The following ARMC2 variants were observed in gnomAD, a reference collection of about 807,000 sequenced individuals.
ARMC2 encodes the protein armadillo repeat-containing protein 2.
ARMC2 carries 67 observed loss-of-function variants against 90.3 expected under a neutral mutation model. The ratio of observed to expected loss-of-function variants is 0.74; its 90% CI spans 0.61 to 0.91. ARMC2 has a LOEUF of 0.91. Among genes scored for constraint, ARMC2 ranks in the 40% least tolerant of loss-of-function variants. The probability of loss-of-function intolerance (pLI) is 0.00; values close to 1 mark genes in which losing one functional copy is unlikely to be tolerated. For synonymous variants in ARMC2, 393 were observed against 393.0 expected (o/e 1.00, Z 0.00); for missense variants, 920 against 1,030.9 (o/e 0.89, Z 1.47).
At chr6:108,963,872 T>C (rs911503238) in intron 15 of ARMC2, among the ~76,000 whole-genome samples, 4 of 152,174 alleles carry the variant, frequency 2.6e-5, no homozygotes, top group African/African-American at 9.7e-5. Flanking sequence ...AACTGGAAGT[T>C]AGATGAGTGT....
chr6:109,043,970 CAGAAT>C, the ARMC2 span, among the ~76,000 whole-genome samples: 5 of 151,958 alleles, frequency 3.3e-5, no homozygotes, highest in Admixed American at 2.6e-4. Flanking sequence ...ATCAATGGAA[CAGAAT>C]AGAGAGCCCA....
rs139509293 is a variant in ARMC2 at position 108,967,597 on chromosome 6, G to A, written c.2446+2457G>A. ...GCCTGATATAAAATGACATAGAATTGGCATTTCACCTACACACATCTTCCT... is the reference window on the plus strand; with the variant it reads ...GCCTGATATAAAATGACATAGAATTAGCATTTCACCTACACACATCTTCCT... On this transcript the variant is annotated intron_variant, in intron 17 of 17. Coordinates refer to ENST00000392644, the MANE Select transcript of ARMC2 (RefSeq NM_032131.6). Among the ~76,000 whole-genome samples the A allele has an allele frequency of 6.0e-4, 92 of 152,216 alleles. 1 individual carries two copies. The highest frequency in any genetic ancestry group is 2.1e-3 in the African/African-American group (89 of 41,534).
At chr6:108,874,570 A>G (rs1183351606) in intron 4 of ARMC2, among the ~76,000 whole-genome samples, 1 of 152,210 alleles carries the variant, frequency 6.6e-6, no homozygotes. Flanking sequence ...AATCATGACA[A>G]TAACTTCTAG....
At chr6:108,895,477 C>T (rs1016025318) in intron 6 of ARMC2, among the ~76,000 whole-genome samples, 16 of 66,540 alleles carry the variant, frequency 2.4e-4, no homozygotes, top group Admixed American at 1.2e-3. Context: ...GAGCGAGACT[C>T]ATCTCAAAAA....
the ARMC2 span, among the ~76,000 whole-genome samples, chr6:109,030,228 C>T: frequency 4.6e-5 from 7 of 152,150 alleles, no homozygotes; most frequent in African/African-American, 1.7e-4. Flanking sequence ...GCTAGGACCC[C>T]CCGATCTAAG....
At chr6:108,994,366 A>G in the ARMC2 span, 1 of 979,218 alleles carries the variant, frequency 1.0e-6, no homozygotes, top group Non-Finnish European at 1.5e-6. Flanking sequence ...AAAAGGAAGG[A>G]CATATTTAGA....
chr6:108,907,852 C>T (rs1194184331), intron 8 of ARMC2: 1 of 1,611,054 alleles, frequency 6.2e-7, no homozygotes, highest in African/African-American at 1.3e-5. Flanking sequence ...TCTTGTCCTT[C>T]ACTGGTACAA....
chr6:108,995,701 A>G, the ARMC2 span, among the ~76,000 whole-genome samples: 1 of 152,198 alleles, frequency 6.6e-6, no homozygotes, highest in African/African-American at 2.4e-5. Context: ...GAATCACTTG[A>G]GCCCAGGAGG....
Position 108,876,294 on chromosome 6 carries a change from G to T in ARMC2, c.615G>T (p.Lys205Asn). ...ATGATGGAGGCTTCAGTGAAATAAAGGAGCAAGAAATGTTCAAAGGAACAA... is the reference window on the plus strand; with the variant it reads ...ATGATGGAGGCTTCAGTGAAATAAATGAGCAAGAAATGTTCAAAGGAACAA... Reference protein sequence around the residue: ...LTDDGGFSEIKEQEMFKGTTS... With the variant: ...LTDDGGFSEINEQEMFKGTTS... The change falls in exon 5 of 18, where the codon AAG becomes AAT. Residue 205 changes from lysine to asparagine, a missense_variant. Physicochemically the swap from Lys to Asn is moderately conservative, Grantham distance 94. Coordinates refer to ENST00000392644, the MANE Select transcript of ARMC2 (RefSeq NM_032131.6). 6.2e-7 allele frequency: 1 copy of T among 1,612,780 alleles called. No homozygotes were observed. The highest frequency in any genetic ancestry group is 1.1e-5 in the South Asian group (1 of 90,624).
At chr6:109,045,392 G>T in the ARMC2 span, among the ~76,000 whole-genome samples, 1 of 152,160 alleles carries the variant, frequency 6.6e-6, no homozygotes, top group East Asian at 1.9e-4. Flanking sequence ...CAGATCTGAT[G>T]ATGATATAAT....
At position 108,928,246 on chromosome 6, in the gene ARMC2, A is replaced by G; in HGVS notation, c.1496+13A>G. ...CCAGAATATTCAGGTAGGTAGACTA[A>G]GACGTGAAGTAGCCTTACAAAAATG... is the stretch of plus-strand genomic sequence containing the variant. On this transcript the variant is annotated intron_variant, in intron 11 of 17. Transcript: ENST00000392644. The G allele has an allele frequency of 6.8e-7, 1 of 1,464,276 alleles. No individual in the cohort carries two copies. Among genetic ancestry groups the G allele is most frequent in the Non-Finnish European group, 9.1e-7 (1 of 1,101,822 alleles). 90.7% of individuals were successfully genotyped at this position (1,464,276 alleles called of 1,614,324 possible).
intron 8 of ARMC2, chr6:108,907,481 A>G: frequency 3.0e-6 from 1 of 330,402 alleles, no homozygotes; most frequent in Non-Finnish European, 4.9e-6. Context: ...TTTTTTTACC[A>G]GTCATCTTTT....
chr6:109,043,947 G>A, the ARMC2 span, among the ~76,000 whole-genome samples: 1 of 152,066 alleles, frequency 6.6e-6, no homozygotes, highest in Non-Finnish European at 1.5e-5. Flanking sequence ...TTGGTGAAAG[G>A]ACAGATACAC....
At chr6:108,961,437 G>A in intron 13 of ARMC2, 135 bp from the exon 14 acceptor site, 1 of 860,138 alleles carries the variant, frequency 1.2e-6, no homozygotes. Context: ...AGTGGTAAAG[G>A]TGCCTCTCCA....
downstream of ARMC2, among the ~76,000 whole-genome samples, chr6:108,977,628 T>A (rs1430321689): frequency 6.6e-6 from 1 of 152,192 alleles, no homozygotes; most frequent in Non-Finnish European, 1.5e-5. Flanking sequence ...TGTCTGGTCC[T>A]GGGCTTTTTT....
At chr6:108,995,587 C>G in the ARMC2 span, among the ~76,000 whole-genome samples, 7 of 152,306 alleles carry the variant, frequency 4.6e-5, no homozygotes, top group Admixed American at 3.9e-4. Flanking sequence ...TAGATCAAAT[C>G]TATGCAATTT....
chr6:108,917,055 T>C (rs1469829278), intron 10 of ARMC2, among the ~76,000 whole-genome samples: 8 of 152,240 alleles, frequency 5.3e-5, no homozygotes, highest in Admixed American at 5.2e-4. Flanking sequence ...TCAGATTGAC[T>C]TGAACTTGCA....
chr6:108,977,332 A>G (rs1300595382), downstream of ARMC2, among the ~76,000 whole-genome samples: 1 of 152,212 alleles, frequency 6.6e-6, no homozygotes, highest in East Asian at 1.9e-4. Flanking sequence ...CCAGCCTTGC[A>G]TCCCAGAGGT....
the ARMC2 span, among the ~76,000 whole-genome samples, chr6:109,015,017 C>G: frequency 6.6e-6 from 1 of 152,100 alleles, no homozygotes; most frequent in Admixed American, 6.5e-5. Flanking sequence ...GCCCTGCACA[C>G]AGGAGACCCT....
Sources: allele counts gnomAD v4.1 joint callset (sites outside exome capture counted in the v4.1 genomes callset), GRCh38; gene constraint gnomAD v4.1.1; transcripts MANE v1.5; gene names NCBI Gene and HGNC (gene_info 2026-07-23, HGNC 2026-07-21).